The following ABCA7 variants were observed in gnomAD, a reference collection of about 807,000 sequenced individuals.
ABCA7 encodes phospholipid-transporting ATPase ABCA7.
Under a neutral mutation model 227.6 loss-of-function variants are expected in ABCA7, and 261 were observed. The observed-to-expected ratio is 1.15, with a 90% CI of 1.04 to 1.27. The LOEUF (loss-of-function observed/expected upper bound fraction) is 1.27, where lower values mean the gene tolerates loss of function less well. Among genes scored for constraint, ABCA7 ranks in the 50% most tolerant of loss-of-function variants. The pLI is 0.00. For synonymous variants in ABCA7, 1,488 were observed against 1,279.7 expected (o/e 1.16, Z -3.47); for missense variants, 3,331 against 2,924.5 (o/e 1.14, Z -3.21).
rs74682193 is a variant in ABCA7, at chr19:1,045,346, T to A, written c.1445+115T>A. 2.5e-5 allele frequency: 27 copies of A among 1,079,450 alleles called. No individual in the cohort carries two copies. In the African/African-American group the frequency reaches 3.1e-4, roughly 13 times the overall value. The allele number at this position is 1,079,450 out of a possible 1,614,324, so 66.9% of individuals were successfully genotyped here. A position where few individuals can be genotyped will look rare whatever the true frequency, so the allele number is the denominator to read the frequency against. On this transcript the variant is annotated intron_variant, in intron 12 of 46. Transcript: ENST00000263094. Reference sequence around the variant, plus strand: ...ACCATGATAGACAGGATCTGGGCTGTATCAACAGTGGTATGGTAGCCAGAG... The same window carrying A: ...ACCATGATAGACAGGATCTGGGCTGAATCAACAGTGGTATGGTAGCCAGAG...
rs1465350182 is a variant in ABCA7 at position 1,057,402 on chromosome 19, C to T, written c.4853C>T (p.Ala1618Val). 6.2e-7 allele frequency: 1 copy of T among 1,613,962 alleles called. No homozygotes were observed. The highest frequency in any genetic ancestry group is 1.1e-5 in the South Asian group (1 of 91,090). The change falls in exon 35 of 47, where the codon GCT (alanine) becomes GTT (valine). Residue 1618 changes from alanine to valine, a missense_variant. By Grantham distance (64) the Ala-to-Val change is moderately conservative (BLOSUM62 0). Transcript: ENST00000263094. ...RAYVAPANLP[A>V]LLLLLLLYGW... ...TATGTGGCCCCTGCCAACCTGCCTG[C>T]TCTCCTGCTGTTGCTACTACTGTAT...
At position 1,047,458 on chromosome 19, in the gene ABCA7, G is replaced by T. The variant is rs2040818996; in HGVS notation, c.2073G>T (p.Leu691=). 2.6e-6 allele frequency: 4 copies of T among 1,547,834 alleles called. No individual in the cohort carries two copies. The highest frequency in any genetic ancestry group is 3.5e-6 in the Non-Finnish European group (4 of 1,150,208). The change falls in exon 16 of 47, where the codon CTG becomes CTT. Residue 691 remains leucine, a synonymous_variant. Coordinates refer to ENST00000263094, the MANE Select transcript of ABCA7 (RefSeq NM_019112.4). The part of the protein sequence containing the change: ...LPAGGRVAAS[L]LSPVAFGFGC... ...GACCGCCCGCTTTTCCGCAGAGCCT[G>T]CTGTCGCCCGTGGCCTTCGGCTTCG...
chr19:1,056,688 C>T lies in ABCA7; in HGVS notation c.4586+189C>T, dbSNP rs1411117085. Among the ~76,000 whole-genome samples the T allele has an allele frequency of 6.6e-6, 1 of 152,174 alleles. No individual in the cohort carries two copies. Among genetic ancestry groups the T allele is most frequent in the Non-Finnish European group, 1.5e-5 (1 of 68,042 alleles). Reference sequence around the variant, plus strand: ...CTCCTCAGACTCAGCGGGCCCCAGCCTCCCCCACACATCCTCATCCCACCA... The same window carrying T: ...CTCCTCAGACTCAGCGGGCCCCAGCTTCCCCCACACATCCTCATCCCACCA... On this transcript the variant is annotated intron_variant, in intron 33 of 46. Transcript: ENST00000263094. The surrounding 1 kb of genome is among the most constrained non-coding windows in gnomAD (Gnocchi z 4.3).
At position 1,054,260 on chromosome 19, in the gene ABCA7, A is replaced by ACTC; in HGVS notation, c.3647_3648insCCT (p.Leu1216dup). Reference sequence around the variant, plus strand: ...CCGTGGGCCGGGTACAGGGCTGGGCACTGACCCGCCAGCAGCTCCAGGCCC... The same window carrying ACTC: ...CCGTGGGCCGGGTACAGGGCTGGGCACTCCTGACCCGCCAGCAGCTCCAGGCCC... On this transcript the variant is annotated inframe_insertion, in exon 27 of 47. Transcript: ENST00000263094. The surrounding 1 kb of genome is among the most constrained non-coding windows in gnomAD (Gnocchi z 4.8). 1 of 1,608,530 alleles carries ACTC rather than the reference A, an allele frequency of 6.2e-7. No homozygotes were observed. Among genetic ancestry groups the ACTC allele is most frequent in the Non-Finnish European group, 8.5e-7 (1 of 1,179,100 alleles).
At chr19:1,052,404 GTTGA>G (rs2144832393) in intron 23 of ABCA7, 118 bp downstream of exon 23, 3 of 368,986 alleles carry the variant, frequency 8.1e-6, no homozygotes, top group South Asian at 4.6e-5. Context: ...GGCAGAGGAG[GTTGA>G]GGCGGAGGAG....
Position 1,062,021 on chromosome 19 carries a change from C to A in ABCA7, c.5570+133C>A, listed in dbSNP as rs533388910. On this transcript the variant is annotated intron_variant, in intron 41 of 46. Coordinates refer to ENST00000263094, the MANE Select transcript of ABCA7 (RefSeq NM_019112.4). The stretch of plus-strand genomic sequence containing the variant: ...CTGCATGGTCTCTGAGACCCCTGCA[C>A]CTCTACCTCCCACACGCGGACCAGG... The A allele has an allele frequency of 5.2e-5, 74 of 1,429,636 alleles. No individual in the cohort carries two copies. The East Asian group carries it at 1.6e-3, about 31-fold the overall frequency. The allele number at this position is 1,429,636 out of a possible 1,614,324, so 88.6% of individuals were successfully genotyped here.
rs2042317824 is a variant in ABCA7, at chr19:1,057,060, G to T, written c.4740G>T (p.Trp1580Cys). The T allele has an allele frequency of 6.2e-7, 1 of 1,613,238 alleles. No homozygotes were observed. The highest frequency in any genetic ancestry group is 1.3e-5 in the African/African-American group (1 of 75,022). Reference protein sequence around the residue: ...LMGGLSPTLYWLGNFLWDMCN... With the variant: ...LMGGLSPTLYCLGNFLWDMCN... The stretch of plus-strand genomic sequence containing the variant: ...GGGGCCTGTCCCCCACCCTCTACTG[G>T]CTTGGCAACTTTCTCTGGGACATGG... Residue 1580 changes from tryptophan to cysteine, a missense_variant, in exon 34 of 47, where the codon TGG becomes TGT. Transcript: ENST00000263094.
At chr19:1,045,356 G>A in intron 12 of ABCA7, 125 bp downstream of exon 12, 1 of 1,016,436 alleles carries the variant, frequency 9.8e-7, no homozygotes, top group South Asian at 1.6e-5. Context: ...TATCAACAGT[G>A]GTATGGTAGC....
At chr19:1,044,486 G>A in intron 10 of ABCA7, 91 bp from the exon 11 acceptor site, 1 of 1,468,530 alleles carries the variant, frequency 6.8e-7, no homozygotes, top group South Asian at 1.3e-5. Context: ...GACCTCAGGT[G>A]ATCCACCCGC....
chr19:1,044,961 G>A (rs1355560801), intron 11 of ABCA7, 41 bp from the exon 12 acceptor site: 1 of 1,602,630 alleles, frequency 6.2e-7, no homozygotes, highest in Non-Finnish European at 8.5e-7. Context: ...CTAGGAGGCA[G>A]GCGGACCCCA....
In ABCA7 at chr19:1,053,475, CGGCTGGCGGAGCTGA is replaced by C; in HGVS notation, c.3372_3386del (p.Ala1125_Leu1129del). Reference sequence around the variant, plus strand: ...CACACTCTTCCGAGAGCTAGACACGCGGCTGGCGGAGCTGAGGCTCACTGGCTACGGGATCTCCGA... The same window carrying C: ...CACACTCTTCCGAGAGCTAGACACGCGGCTCACTGGCTACGGGATCTCCGA... On this transcript the variant is annotated inframe_deletion, in exon 24 of 47. Transcript: ENST00000263094. 1 of 1,591,472 alleles carries C rather than the reference CGGCTGGCGGAGCTGA, an allele frequency of 6.3e-7. No homozygotes were observed. The highest frequency in any genetic ancestry group is 8.5e-7 in the Non-Finnish European group (1 of 1,171,878).
chr19:1,047,038 G>A lies in ABCA7; in HGVS notation c.1845+14G>A, dbSNP rs1170892804. The A allele has an allele frequency of 1.5e-5, 24 of 1,553,822 alleles. No homozygotes were observed. Among genetic ancestry groups the A allele is most frequent in the East Asian group, 4.8e-5 (2 of 41,468 alleles). On this transcript the variant is annotated intron_variant, in intron 14 of 46. Coordinates refer to ENST00000263094, the MANE Select transcript of ABCA7 (RefSeq NM_019112.4). The stretch of plus-strand genomic sequence containing the variant: ...CTGGTGCTCAAGGTGGGCGCGCCTC[G>A]GCCTGCCCGGCTGCAGAATGGGTGC...
chr19:1,042,127 G>A lies in ABCA7; in HGVS notation c.366G>A (p.Leu122=). 3 of 1,599,402 alleles carry A rather than the reference G, an allele frequency of 1.9e-6. No homozygotes were observed. The South Asian group carries it at 3.3e-5, about 18-fold the overall frequency. Residue 122 remains leucine, a synonymous_variant, in exon 5 of 47, where the codon CTG becomes CTA. Transcript: ENST00000263094. ...VLGGASAHRT[L]AGLGKLIATL... ...GAGGGGCCAGTGCCCACAGGACGCT[G>A]GCTGGCCTAGGGAAGCTGATCGCCA...
intron 15 of ABCA7, 24 bp downstream of exon 15, chr19:1,047,402 TG>T (rs1307212826): frequency 6.4e-7 from 1 of 1,551,394 alleles, no homozygotes. Context: ...CGGGCGTGGA[TG>T]GGGGACGCCC....
chr19:1,041,065 G>A (rs535658649), intron 1 of ABCA7, 160 bp from the exon 2 acceptor site: 3 of 495,692 alleles, frequency 6.1e-6, no homozygotes, highest in African/African-American at 1.9e-5. Flanking sequence ...ATTAGAGGAT[G>A]ATCTTTAAGT....
In ABCA7 at chr19:1,063,776, G is replaced by T. The variant is rs373283316; in HGVS notation, c.5864G>T (p.Gly1955Val). The T allele has an allele frequency of 6.5e-7, 1 of 1,547,822 alleles. No individual in the cohort carries two copies. The highest frequency in any genetic ancestry group is 8.7e-7 in the Non-Finnish European group (1 of 1,146,106). ...AVVFLDEPTT[G>V]MDPSARRFLW... ...GCTCCCCAGGACGAGCCGACCACAG[G>T]CATGGACCCCAGCGCGCGGCGCTTC... Residue 1955 changes from glycine (G) to valine (V), a missense_variant, in exon 44 of 47, where the codon GGC (glycine) becomes GTC (valine). Transcript: ENST00000263094.
At chr19:1,057,469 C>T (rs770745774) in intron 35 of ABCA7, 40 bp downstream of exon 35, 8 of 1,544,514 alleles carry the variant, frequency 5.2e-6, no homozygotes, top group African/African-American at 1.4e-5. Context: ...CTTACTGACC[C>T]CTTACTGCCT....
intron 36 of ABCA7, 21 bp from the exon 37 acceptor site, chr19:1,058,125 C>T: frequency 6.2e-7 from 1 of 1,613,976 alleles, no homozygotes; most frequent in Non-Finnish European, 8.5e-7. Context: ...TGACCAACAT[C>T]CGTCTCCCAC....
At chr19:1,042,722 C>G (rs563804623) in intron 6 of ABCA7, 24 bp from the exon 7 acceptor site, 1 of 1,610,356 alleles carries the variant, frequency 6.2e-7, no homozygotes, top group Non-Finnish European at 8.5e-7. Flanking sequence ...AAATCATTGT[C>G]CCCCTTGTGG....
Sources: gnomAD v4.1 joint callset for allele counts (sites outside exome capture counted in the v4.1 genomes callset) on GRCh38, gnomAD v4.1.1 for gene constraint, Gnocchi (gnomAD v3.1) non-coding constraint, MANE v1.5 for transcripts, NCBI Gene and HGNC (gene_info 2026-07-23, HGNC 2026-07-21) for gene names.